The following ANO6 variants were observed in gnomAD, a reference collection of about 807,000 sequenced individuals.
The protein encoded by ANO6 is anoctamin 6, also known as anoctamin-6.
Under a neutral mutation model 117.5 loss-of-function variants are expected in ANO6, and 106 were observed. That is an observed-to-expected ratio of 0.90 (90% CI 0.77 to 1.06). ANO6 has a LOEUF of 1.06. ANO6 is among the 50% of genes least tolerant of loss of function. The pLI is 0.00. For missense variants in ANO6, 955 were observed against 1,121.1 expected (o/e 0.85, Z 2.12); for synonymous variants, 367 against 385.1 (o/e 0.95, Z 0.55).
intron 13 of ANO6, 74 bp downstream of exon 13, chr12:45,402,094 T>A: frequency 7.5e-7 from 1 of 1,326,184 alleles, no homozygotes; most frequent in South Asian, 1.2e-5. Context: ...CTGTTATCTT[T>A]TAGGCGTTTC....
intron 2 of ANO6, among the ~76,000 whole-genome samples, chr12:45,328,093 G>A (rs932951461): frequency 1.3e-5 from 2 of 152,010 alleles, no homozygotes; most frequent in South Asian, 4.1e-4. Context: ...AAACAGACTT[G>A]GAGTCCAAGC....
At chr12:45,250,036 C>T (rs1316942264) in intron 1 of ANO6, among the ~76,000 whole-genome samples, 1 of 152,176 alleles carries the variant, frequency 6.6e-6, no homozygotes, top group Non-Finnish European at 1.5e-5. Context: ...CCTTGGGAAG[C>T]TCAGTGTTGC....
intron 1 of ANO6, among the ~76,000 whole-genome samples, chr12:45,239,360 T>G (rs1468938321): frequency 1.3e-5 from 2 of 152,258 alleles, no homozygotes; most frequent in African/African-American, 2.4e-5. Context: ...GATGGTAGTT[T>G]GTATTCCTGT....
At chr12:45,293,729 G>GTTTTTTTT (rs138396024) in intron 1 of ANO6, among the ~76,000 whole-genome samples, 42 of 48,394 alleles carry the variant, frequency 8.7e-4, no homozygotes, top group African/African-American at 1.5e-3. Flanking sequence ...CCTGGCTAAT[G>GTTTTTTTT]TTTTTTTTTT....
chr12:45,234,698 T>C (rs767130284), intron 1 of ANO6, among the ~76,000 whole-genome samples: 3 of 152,218 alleles, frequency 2.0e-5, no homozygotes, highest in Admixed American at 6.5e-5. Context: ...AGGCTCTCAC[T>C]GAATTCCAGC....
intron 15 of ANO6, 80 bp downstream of exon 15, chr12:45,403,616 GC>G: frequency 1.2e-6 from 1 of 851,380 alleles, no homozygotes; most frequent in Non-Finnish European, 1.7e-6. Context: ...TGCCTACATA[GC>G]CACATAGCCA....
At position 45,416,848 on chromosome 12, in the gene ANO6, A is replaced by T. The variant is rs750310144; in HGVS notation, c.2161A>T (p.Ile721Phe). The stretch of plus-strand genomic sequence containing the variant: ...CCTGGTACCAGAGAAAGCCCAAGAC[A>T]TTGGAGCATGGCAGCCCATCATGCA... ...RRLVPEKAQDIGAWQPIMQGI... is the reference protein window; with the variant it reads ...RRLVPEKAQDFGAWQPIMQGI... Residue 721 changes from isoleucine (I) to phenylalanine (F), a missense_variant, in exon 17 of 20, where the codon ATT becomes TTT. By Grantham distance (21) the Ile-to-Phe change is conservative. Transcript: ENST00000320560. The T allele has an allele frequency of 2.5e-5, 41 of 1,614,080 alleles. No homozygotes were observed. Among genetic ancestry groups the T allele is most frequent in the Non-Finnish European group, 2.8e-5 (33 of 1,180,026 alleles).
chr12:45,218,495 A>G (rs1035562748), intron 1 of ANO6, among the ~76,000 whole-genome samples: 1 of 150,688 alleles, frequency 6.6e-6, no homozygotes, highest in Non-Finnish European at 1.5e-5. Flanking sequence ...ACGGGGCTCA[A>G]GCGATCCTCC....
At chr12:45,267,893 G>A (rs1033454028) in intron 1 of ANO6, among the ~76,000 whole-genome samples, 1 of 152,160 alleles carries the variant, frequency 6.6e-6, no homozygotes, top group African/African-American at 2.4e-5. Flanking sequence ...ATTATTAAAA[G>A]GGGAAGGGTA....
Position 45,432,308 on chromosome 12 carries a change from T to C in ANO6, c.*2997T>C. On this transcript the variant is annotated 3_prime_UTR_variant, in exon 20 of 20. Coordinates refer to ENST00000320560, the MANE Select transcript of ANO6 (RefSeq NM_001025356.3). ...AATTTCTGTGCATTTTAATATTCTT[T>C]TATAATTATGAGCATTTTAATAAAT... The C allele has an allele frequency of 3.3e-6, 3 of 900,766 alleles. No individual in the cohort carries two copies. Among genetic ancestry groups the C allele is most frequent in the Non-Finnish European group, 4.0e-6 (3 of 753,724 alleles). The allele number at this position is 900,766 out of a possible 1,614,324, so 55.8% of individuals were successfully genotyped here.
At chr12:45,237,817 T>C (rs1338353390) in intron 1 of ANO6, among the ~76,000 whole-genome samples, 1 of 152,200 alleles carries the variant, frequency 6.6e-6, no homozygotes, top group East Asian at 1.9e-4. Flanking sequence ...CCTTGGGCAG[T>C]ATGGCCGTTT....
chr12:45,388,916 A>G (rs887315690), intron 11 of ANO6, among the ~76,000 whole-genome samples: 1 of 152,222 alleles, frequency 6.6e-6, no homozygotes, highest in Admixed American at 6.5e-5. Context: ...TACTCCAAAG[A>G]TAAAAAACTA....
intron 1 of ANO6, among the ~76,000 whole-genome samples, chr12:45,296,172 C>T (rs1204951344): frequency 1.3e-5 from 2 of 152,188 alleles, no homozygotes; most frequent in African/African-American, 4.8e-5. Context: ...TAGATGTATG[C>T]TGAGATCCAG....
intron 1 of ANO6, among the ~76,000 whole-genome samples, chr12:45,217,080 A>C (rs1947326841): frequency 6.6e-6 from 1 of 152,198 alleles, no homozygotes; most frequent in African/African-American, 2.4e-5. Flanking sequence ...GTTAGAGTTA[A>C]AAATGCATGG....
At chr12:45,231,219 A>G (rs1947569130) in intron 1 of ANO6, among the ~76,000 whole-genome samples, 1 of 152,270 alleles carries the variant, frequency 6.6e-6, no homozygotes, top group African/African-American at 2.4e-5. Context: ...AGAGATTAAT[A>G]TAATACCAGG....
intron 1 of ANO6, among the ~76,000 whole-genome samples, chr12:45,267,194 A>G (rs994569777): frequency 2.0e-5 from 3 of 152,202 alleles, no homozygotes; most frequent in Admixed American, 6.5e-5. Context: ...AGGAAGTCCA[A>G]GGTCAAGGTG....
chr12:45,270,478 C>T, intron 1 of ANO6: 1 of 1,512,286 alleles, frequency 6.6e-7, no homozygotes, highest in Non-Finnish European at 8.8e-7. Context: ...TTCCTGCCTC[C>T]AGGAGGCCTT....
chr12:45,261,995 G>C (rs1170670507), intron 1 of ANO6, among the ~76,000 whole-genome samples: 1 of 152,188 alleles, frequency 6.6e-6, no homozygotes, highest in Admixed American at 6.5e-5. Flanking sequence ...TCATAGCAAG[G>C]TAAATGATTT....
intron 1 of ANO6, among the ~76,000 whole-genome samples, chr12:45,263,205 C>G (rs1938100714): frequency 6.6e-6 from 1 of 151,740 alleles, no homozygotes; most frequent in Non-Finnish European, 1.5e-5. Flanking sequence ...GGGGCCGGTA[C>G]AAGATGTTCT....
Sources: gnomAD v4.1 joint callset for allele counts (sites outside exome capture counted in the v4.1 genomes callset) on GRCh38, gnomAD v4.1.1 for gene constraint, MANE v1.5 for transcripts, NCBI Gene and HGNC (gene_info 2026-07-23, HGNC 2026-07-21) for gene names.